Variants in ST8SIA1 observed in about 807,000 individuals in gnomAD.
The protein encoded by ST8SIA1 is ST8 alpha-N-acetyl-neuraminide alpha-2,8-sialyltransferase 1.
A neutral mutation model predicts 35.9 loss-of-function variants in ST8SIA1; 16 were observed. The observed-to-expected ratio is 0.45, with a 90% confidence interval of 0.30 to 0.68. ST8SIA1 has a LOEUF of 0.68. Among genes scored for constraint, ST8SIA1 ranks in the 30% least tolerant of loss-of-function variants. The pLI is 0.09. For synonymous variants in ST8SIA1, 170 were observed against 169.6 expected, an observed-to-expected ratio of 1.00 and a Z score of -0.02; for missense variants, 383 against 453.6, an observed-to-expected ratio of 0.84 and a Z score of 1.41.
chr12:22,270,019 A>G (rs1591840104), intron 2 of ST8SIA1, among the ~76,000 whole-genome samples: 1 of 152,220 alleles, frequency 6.6e-6, no homozygotes, highest in African/African-American at 2.4e-5. Context: ...ATACACTATT[A>G]TAGGTATTTC....
chr12:22,210,390 G>T (rs1865163482), intron 4 of ST8SIA1, among the ~76,000 whole-genome samples: 1 of 152,140 alleles, frequency 6.6e-6, no homozygotes, highest in Admixed American at 6.5e-5. Context: ...AATTCAAAGT[G>T]ATTTTTCTGT....
chr12:22,317,784 G>C (rs1866539123), intron 1 of ST8SIA1, among the ~76,000 whole-genome samples: 1 of 152,166 alleles, frequency 6.6e-6, no homozygotes, highest in Admixed American at 6.6e-5. Flanking sequence ...TCCACTCGGA[G>C]ACAGATGACA....
chr12:22,305,271 A>T (rs1866370527), intron 1 of ST8SIA1, among the ~76,000 whole-genome samples: 1 of 152,218 alleles, frequency 6.6e-6, no homozygotes, highest in African/African-American at 2.4e-5. Context: ...TAGACTAGTC[A>T]AATGCTTTTT....
intron 1 of ST8SIA1, among the ~76,000 whole-genome samples, chr12:22,299,859 CCCT>C (rs1866296978): frequency 1.3e-5 from 2 of 152,012 alleles, no homozygotes; most frequent in Admixed American, 6.6e-5. Flanking sequence ...AAGGTTTTTC[CCCT>C]CAAGTTCTGT....
chr12:22,228,806 G>A (rs1258563502), intron 4 of ST8SIA1, among the ~76,000 whole-genome samples: 5 of 151,660 alleles, frequency 3.3e-5, no homozygotes, highest in African/African-American at 1.2e-4. Flanking sequence ...CTGTAATCCT[G>A]GCACTTTGGG....
At chr12:22,233,548 A>C (rs1423428231) in intron 4 of ST8SIA1, among the ~76,000 whole-genome samples, 2 of 152,080 alleles carry the variant, frequency 1.3e-5, no homozygotes, top group African/African-American at 4.8e-5. Context: ...TGGTAAACTC[A>C]TTATTGACCT....
chr12:22,317,946 G>T (rs1866540985), intron 1 of ST8SIA1, among the ~76,000 whole-genome samples: 2 of 152,152 alleles, frequency 1.3e-5, no homozygotes, highest in African/African-American at 4.8e-5. Context: ...ATCTCAGTTT[G>T]TTGGAAATAG....
intron 2 of ST8SIA1, among the ~76,000 whole-genome samples, chr12:22,259,993 G>A (rs1865770570): frequency 6.6e-6 from 1 of 151,978 alleles, no homozygotes; most frequent in African/African-American, 2.4e-5. Flanking sequence ...ATTGCATACT[G>A]TCTTTTCAAA....
At chr12:22,282,014 TA>T (rs1290589859) in intron 2 of ST8SIA1, among the ~76,000 whole-genome samples, 1 of 151,858 alleles carries the variant, frequency 6.6e-6, no homozygotes, top group East Asian at 1.9e-4. Context: ...TGTCTCAAAA[TA>T]AAATAAAATA....
At chr12:22,300,250 C>T (rs964102920) in intron 1 of ST8SIA1, among the ~76,000 whole-genome samples, 4 of 152,054 alleles carry the variant, frequency 2.6e-5, no homozygotes, top group Non-Finnish European at 5.9e-5. Context: ...CTATAAAATG[C>T]CAATCCAAAA....
chr12:22,326,100 A>G (rs1866675815), intron 1 of ST8SIA1: 1 of 468,052 alleles, frequency 2.1e-6, no homozygotes, highest in Non-Finnish European at 3.7e-6. Context: ...GAAGCCATGG[A>G]AAACAAAACC....
Position 22,199,161 on chromosome 12 carries a change from T to TTC in ST8SIA1, c.*2390_*2391insGA, listed in dbSNP as rs1418558190. The TTC allele has an allele frequency of 6.8e-6, 1 of 147,742 alleles. No individual in the cohort carries two copies. Among genetic ancestry groups the TTC allele is most frequent in the Non-Finnish European group, 1.5e-5 (1 of 66,794 alleles). 9.2% of individuals were successfully genotyped at this position (147,742 alleles called of 1,614,324 possible). ...AATATTTTCTTTCTTTTTCTTTTCT[T>TTC]TTTTTTTTTTTTGAGACAGGGTCTT... On this transcript the variant is annotated 3_prime_UTR_variant, in exon 5 of 5. Coordinates refer to ENST00000396037, the MANE Select transcript of ST8SIA1 (RefSeq NM_003034.4).
In ST8SIA1 at chr12:22,277,777, A is replaced by C. The variant is rs544833828; in HGVS notation, c.381+9372T>G. Among the ~76,000 whole-genome samples the C allele has an allele frequency of 2.5e-3, 381 of 152,316 alleles. 3 individuals carry two copies. The highest frequency in any genetic ancestry group is 8.6e-3 in the African/African-American group (359 of 41,588). ...GAGGGGATTGATTCAGGAAATATTT[A>C]TGAAATAAACTTGGATTTGGACAGT... On this transcript the variant is annotated intron_variant, in intron 2 of 4. Coordinates refer to ENST00000396037, the MANE Select transcript of ST8SIA1 (RefSeq NM_003034.4).
chr12:22,324,249 G>A (rs1334956505), intron 1 of ST8SIA1: 1 of 152,104 alleles, frequency 6.6e-6, no homozygotes. Flanking sequence ...TTCGTTTTAA[G>A]TTAATAAACT....
intron 1 of ST8SIA1, among the ~76,000 whole-genome samples, chr12:22,313,872 G>A (rs1866483241): frequency 6.6e-6 from 1 of 152,154 alleles, no homozygotes; most frequent in Non-Finnish European, 1.5e-5. Flanking sequence ...CCTGGTATTT[G>A]CTCATAATGC....
intron 1 of ST8SIA1, among the ~76,000 whole-genome samples, chr12:22,327,694 C>T (rs910700021): frequency 6.6e-6 from 1 of 152,120 alleles, no homozygotes; most frequent in Non-Finnish European, 1.5e-5. Context: ...TCTTAAACAG[C>T]TGTTATATTA....
chr12:22,333,970 G>T, intron 1 of ST8SIA1, 27 bp downstream of exon 1: 1 of 1,602,960 alleles, frequency 6.2e-7, no homozygotes. Context: ...GGACGCTAGA[G>T]GGGAGGAGCC....
chr12:22,225,180 A>C (rs1003657559), intron 4 of ST8SIA1, among the ~76,000 whole-genome samples: 2 of 152,186 alleles, frequency 1.3e-5, no homozygotes, highest in Non-Finnish European at 2.9e-5. Flanking sequence ...CTAGCCTCCA[A>C]AATTCTGAGA....
chr12:22,309,969 C>T lies in ST8SIA1; in HGVS notation c.237-22676G>A, dbSNP rs185369036. On this transcript the variant is annotated intron_variant, in intron 1 of 4. Transcript: ENST00000396037. The stretch of plus-strand genomic sequence containing the variant: ...TCTTTACAAGAGTTAAGCAGCTGCA[C>T]AAAATGACACAGCTATGATCCAGGT... Among the ~76,000 whole-genome samples, 71 of 152,162 alleles carry T rather than the reference C, an allele frequency of 4.7e-4. 1 individual carries two copies. Among genetic ancestry groups the T allele is most frequent in the African/African-American group, 1.6e-3 (68 of 41,514 alleles).
Sources: gnomAD v4.1 joint callset for allele counts (sites outside exome capture counted in the v4.1 genomes callset) on GRCh38, gnomAD v4.1.1 for gene constraint, MANE v1.5 for transcripts, NCBI Gene and HGNC (gene_info 2026-07-23, HGNC 2026-07-21) for gene names.